The following NIPAL3 variants were observed in gnomAD, a reference collection of about 807,000 sequenced individuals.
NIPAL3 encodes the protein NIPA like domain containing 3.
A neutral mutation model predicts 47.2 loss-of-function variants in NIPAL3; 41 were observed. That is an observed-to-expected ratio of 0.87 (90% CI 0.68 to 1.13). The LOEUF is 1.13. Ranked by LOEUF, NIPAL3 falls within the 50% of genes most tolerant of loss-of-function variation. NIPAL3 has a pLI of 0.00. For missense variants in NIPAL3, 449 were observed against 530.1 expected, an observed-to-expected ratio of 0.85 and a Z score of 1.50; for synonymous variants, 194 against 209.6, an observed-to-expected ratio of 0.93 and a Z score of 0.64.
intron 5 of NIPAL3, among the ~76,000 whole-genome samples, 160 bp downstream of exon 5, chr1:24,445,404 CAG>C (rs1219238930): frequency 6.6e-6 from 1 of 152,130 alleles, no homozygotes; most frequent in Non-Finnish European, 1.5e-5. Flanking sequence ...ATTTTTTAAT[CAG>C]GGGTTCTCAA....
intron 2 of NIPAL3, among the ~76,000 whole-genome samples, chr1:24,434,361 A>G (rs1227893791): frequency 2.0e-5 from 3 of 152,226 alleles, no homozygotes; most frequent in Non-Finnish European, 2.9e-5. Flanking sequence ...AGGACATTAT[A>G]TTATGATGAA....
At chr1:24,447,865 A>G (rs547444513) in intron 5 of NIPAL3, among the ~76,000 whole-genome samples, 16 of 152,346 alleles carry the variant, frequency 1.1e-4, no homozygotes, top group African/African-American at 2.9e-4. Flanking sequence ...CATCTCACCT[A>G]TTGAGCCAGG....
rs368186174 is a variant in NIPAL3, at chr1:24,459,622, T to C, written c.862+646T>C. On this transcript the variant is annotated intron_variant, in intron 9 of 11. Transcript: ENST00000374399. ...GTGAAAGCCTGGCTGTAAAGCCCTA[T>C]GCTCTGCCAACACTTAAGACAAGTG... is the stretch of plus-strand genomic sequence containing the variant. Among the ~76,000 whole-genome samples the C allele has an allele frequency of 5.3e-5, 8 of 152,270 alleles. No homozygotes were observed. In the East Asian group the frequency reaches 1.3e-3, roughly 26 times the overall value.
chr1:24,469,038 T>A lies in NIPAL3; in HGVS notation c.1074T>A (p.Ala358=). The part of the protein sequence containing the change: ...KGMTVQPELK[A]SFSYGALENN... ...TGACTGTCCAGCCTGAACTTAAAGC[T>A]TCTTTTTCCTATGGGGCTCTGGAAA... Residue 358 remains alanine, a synonymous_variant, in exon 12 of 12, where the codon GCT becomes GCA. Transcript: ENST00000374399. 6.2e-7 allele frequency: 1 copy of A among 1,614,184 alleles called. No individual in the cohort carries two copies.
intron 6 of NIPAL3, among the ~76,000 whole-genome samples, chr1:24,450,307 C>T (rs6688479): frequency 0.057 from 8,612 of 152,248 alleles, 728 homozygotes; most frequent in African/African-American, 0.18. Flanking sequence ...AAAATTTCTA[C>T]AGTAACCATT....
chr1:24,430,343 C>G (rs1408460413), intron 2 of NIPAL3, among the ~76,000 whole-genome samples: 1 of 151,994 alleles, frequency 6.6e-6, no homozygotes, highest in Non-Finnish European at 1.5e-5. Flanking sequence ...CTCCACCTCC[C>G]AGGTTCAAGT....
chr1:24,453,585 T>A, intron 7 of NIPAL3, 81 bp downstream of exon 7: 1 of 1,116,378 alleles, frequency 9.0e-7, no homozygotes, highest in Non-Finnish European at 1.3e-6. Flanking sequence ...TGCAGAGCTG[T>A]AGCCGCTGGG....
upstream of NIPAL3, chr1:24,414,577 C>T (rs192818432): frequency 9.6e-3 from 1,381 of 143,922 alleles, 9 homozygotes; most frequent in Middle Eastern, 0.015. Flanking sequence ...GCTCTGTCGC[C>T]CAGCTGGAGT....
chr1:24,440,612 C>T (rs1645334079), intron 3 of NIPAL3, among the ~76,000 whole-genome samples: 1 of 152,214 alleles, frequency 6.6e-6, no homozygotes, highest in Non-Finnish European at 1.5e-5. Context: ...GGGATGCCCT[C>T]TACAGCTGCT....
chr1:24,453,387 C>G (rs747372588), intron 6 of NIPAL3, 21 bp from the exon 7 acceptor site: 1 of 1,602,938 alleles, frequency 6.2e-7, no homozygotes, highest in Admixed American at 1.7e-5. Context: ...CACTGACCCC[C>G]CTGCTTGCTG....
rs576878235 is a variant in NIPAL3, at chr1:24,452,992, G to A, written c.541-416G>A. Among the ~76,000 whole-genome samples the A allele has an allele frequency of 4.6e-5, 7 of 151,726 alleles. No individual in the cohort carries two copies. In the East Asian group the frequency reaches 5.8e-4, roughly 13 times the overall value. On this transcript the variant is annotated intron_variant, in intron 6 of 11. Coordinates refer to ENST00000374399, the MANE Select transcript of NIPAL3 (RefSeq NM_020448.5). ...GCTAGGGTTACAGGTGTGAGCCACC[G>A]TGCCTGGCCTCACATTCTTGACCAA...
At chr1:24,452,893 G>C (rs573499597) in intron 6 of NIPAL3, among the ~76,000 whole-genome samples, 2 of 141,598 alleles carry the variant, frequency 1.4e-5, no homozygotes, top group East Asian at 4.1e-4. Flanking sequence ...GTAGAGACCG[G>C]GTTTCACCAT....
At position 24,445,255 on chromosome 1, in the gene NIPAL3, T is replaced by C. The variant is rs558350589; in HGVS notation, c.394+11T>C. On this transcript the variant is annotated intron_variant, in intron 5 of 11. Transcript: ENST00000374399. ...CGAAAGACTTTCTGAGTAAGTTCAGTGATTTGAGCTGTGTCCTTGATTTTA... is the reference window on the plus strand; with the variant it reads ...CGAAAGACTTTCTGAGTAAGTTCAGCGATTTGAGCTGTGTCCTTGATTTTA... 24 of 1,582,690 alleles carry C rather than the reference T, an allele frequency of 1.5e-5. No individual in the cohort carries two copies. The African/African-American group carries it at 1.9e-4, about 12-fold the overall frequency.
At chr1:24,415,682 C>T (rs1011228593), upstream of NIPAL3, 1 of 201,892 alleles carries the variant, frequency 5.0e-6, no homozygotes, top group Non-Finnish European at 8.8e-6. Flanking sequence ...GTCCCGCCTA[C>T]TCCCCGTCCT....
At chr1:24,433,015 TAAAGA>T (rs1644945732) in intron 2 of NIPAL3, 2 of 152,216 alleles carry the variant, frequency 1.3e-5, no homozygotes, top group Admixed American at 6.5e-5. Flanking sequence ...AGCCCCATAG[TAAAGA>T]AATCTGTATC....
chr1:24,469,150 C>T lies in NIPAL3; in HGVS notation c.1186C>T (p.Pro396Ser), dbSNP rs750515682. ...EHGSRSASGV[P>S]YRVLEHTKKE ...CGGCTCCAGAAGTGCCTCTGGGGTCCCCTACCGAGTCCTAGAGCACACCAA... is the reference window on the plus strand; with the variant it reads ...CGGCTCCAGAAGTGCCTCTGGGGTCTCCTACCGAGTCCTAGAGCACACCAA... The change falls in exon 12 of 12, where the codon CCC becomes TCC. Residue 396 changes from proline to serine, a missense_variant. Coordinates refer to ENST00000374399, the MANE Select transcript of NIPAL3 (RefSeq NM_020448.5). The T allele has an allele frequency of 2.5e-6, 4 of 1,613,906 alleles. No homozygotes were observed. The East Asian group carries it at 8.9e-5, about 36-fold the overall frequency.
chr1:24,460,693 G>A (rs1458703164), intron 10 of NIPAL3, 149 bp downstream of exon 10: 11 of 574,420 alleles, frequency 1.9e-5, no homozygotes, highest in East Asian at 3.5e-5. Flanking sequence ...AGAGGTGAGC[G>A]TTTTATTCCT....
At chr1:24,433,807 G>T (rs1371175409) in intron 2 of NIPAL3, among the ~76,000 whole-genome samples, 1 of 123,474 alleles carries the variant, frequency 8.1e-6, no homozygotes, top group African/African-American at 3.9e-5. Context: ...ATAGCATAAT[G>T]GGTGGGGGAG....
Position 24,458,951 on chromosome 1 carries a change from G to A in NIPAL3, c.837G>A (p.Leu279=), listed in dbSNP as rs1338018203. 3 of 1,613,884 alleles carry A rather than the reference G, an allele frequency of 1.9e-6. No individual in the cohort carries two copies. The African/African-American group carries it at 4.0e-5, about 22-fold the overall frequency. The change falls in exon 9 of 12, where the codon CTG becomes CTA. Residue 279 remains leucine (L), a synonymous_variant. Transcript: ENST00000374399. ...SSLIASVGYI[L]STTIAITAGA... is the part of the protein sequence containing the mutation. ...TGATTGCCAGTGTGGGCTACATTCT[G>A]TCCACAACCATTGCTATCACAGCAG...
Sources: gnomAD v4.1 joint callset for allele counts (sites outside exome capture counted in the v4.1 genomes callset) on GRCh38, gnomAD v4.1.1 for gene constraint, MANE v1.5 for transcripts, NCBI Gene and HGNC (gene_info 2026-07-23, HGNC 2026-07-21) for gene names.